Variants in PBX1 observed in about 807,000 individuals in gnomAD.
PBX1 encodes the protein PBX homeobox 1.
Under a neutral mutation model 53.4 loss-of-function variants are expected in PBX1, and 6 were observed. The ratio of observed to expected loss-of-function variants is 0.11; its 90% confidence interval spans 0.06 to 0.22. The LOEUF (loss-of-function observed/expected upper bound fraction) is 0.22, where lower values mean the gene tolerates loss of function less well. PBX1 is among the 10% of genes least tolerant of loss of function. PBX1 has a pLI of 1.00. For synonymous variants in PBX1, 204 were observed against 212.3 expected, an observed-to-expected ratio of 0.96 and a Z score of 0.34; for missense variants, 251 against 551.4, an observed-to-expected ratio of 0.46 and a Z score of 5.46.
chr1:164,743,888 T>G (rs1665752992), intron 2 of PBX1, among the ~76,000 whole-genome samples: 1 of 152,168 alleles, frequency 6.6e-6, no homozygotes, highest in South Asian at 2.1e-4. Context: ...CAGAACTTAG[T>G]CCTATGGCTA....
intron 2 of PBX1, among the ~76,000 whole-genome samples, chr1:164,570,881 T>A (rs1653798134): frequency 6.6e-6 from 1 of 152,216 alleles, no homozygotes; most frequent in African/African-American, 2.4e-5. Context: ...GTTTCCTGAC[T>A]TTTTAAGGAT....
At chr1:164,767,143 T>C (rs921849896) in intron 2 of PBX1, among the ~76,000 whole-genome samples, 2 of 152,178 alleles carry the variant, frequency 1.3e-5, no homozygotes, top group Admixed American at 6.5e-5. Flanking sequence ...GCTTATTCTG[T>C]TTTAATTATG....
At chr1:164,813,056 A>T (rs1049938631) in intron 6 of PBX1, 1 of 152,320 alleles carries the variant, frequency 6.6e-6, no homozygotes, top group Middle Eastern at 3.4e-3. Context: ...GTTTGATCGT[A>T]ATATGATTAC....
At chr1:164,807,416 T>G in intron 4 of PBX1, 126 bp from the exon 5 acceptor site, 1 of 1,216,606 alleles carries the variant, frequency 8.2e-7, no homozygotes, top group Non-Finnish European at 1.1e-6. Flanking sequence ...CCCCTTTTGG[T>G]AAATCTGCTC....
At chr1:164,827,459 C>A (rs569911604) in intron 8 of PBX1, among the ~76,000 whole-genome samples, 2 of 152,048 alleles carry the variant, frequency 1.3e-5, no homozygotes, top group African/African-American at 2.4e-5. Context: ...CAAGGAAAAT[C>A]GAGGGGTCTG....
At chr1:164,729,013 T>C (rs1664841934) in intron 2 of PBX1, among the ~76,000 whole-genome samples, 1 of 152,224 alleles carries the variant, frequency 6.6e-6, no homozygotes, top group South Asian at 2.1e-4. Flanking sequence ...GTTAGGCGTT[T>C]ATACTCTTCT....
At chr1:164,625,836 C>T (rs1657999747) in intron 2 of PBX1, 2 of 568,870 alleles carry the variant, frequency 3.5e-6, no homozygotes, top group Admixed American at 6.2e-5. Flanking sequence ...AAAAAAAACA[C>T]CTTACATGAA....
At chr1:164,877,423 G>T (rs1285872375) in intron 2 of PBX1, among the ~76,000 whole-genome samples, 1 of 152,198 alleles carries the variant, frequency 6.6e-6, no homozygotes, top group Non-Finnish European at 1.5e-5. Context: ...AGCACTTTGG[G>T]AGGCAGAGGC....
intron 2 of PBX1, among the ~76,000 whole-genome samples, chr1:164,611,340 C>A (rs969208245): frequency 1.3e-5 from 2 of 152,258 alleles, no homozygotes; most frequent in African/African-American, 2.4e-5. Context: ...CGGGTTCATG[C>A]CATTCTTCTG....
intron 2 of PBX1, among the ~76,000 whole-genome samples, chr1:164,649,647 C>A (rs535850705): frequency 5.9e-5 from 9 of 152,164 alleles, no homozygotes. Flanking sequence ...CACCTGGCCT[C>A]CCTTGTCCTT....
Position 164,588,234 on chromosome 1 carries a change from A to G in PBX1, c.265+24923A>G, listed in dbSNP as rs145035829. 2.1e-3 allele frequency among the ~76,000 whole-genome samples: 316 copies of G among 152,332 alleles called. 1 individual carries two copies. Among genetic ancestry groups the G allele is most frequent in the African/African-American group, 7.1e-3 (297 of 41,588 alleles). ...GAGATACACCCGCCTGTAGAGCACA[A>G]TAGAAAAATCAATAGTAAGGGGAGG... On this transcript the variant is annotated intron_variant, in intron 2 of 8. Coordinates refer to ENST00000420696, the MANE Select transcript of PBX1 (RefSeq NM_002585.4).
intron 2 of PBX1, among the ~76,000 whole-genome samples, chr1:164,745,608 A>G (rs1665850733): frequency 6.6e-6 from 1 of 152,222 alleles, no homozygotes; most frequent in South Asian, 2.1e-4. Flanking sequence ...TAGTAGTAAT[A>G]GCAACAATAT....
At chr1:164,611,860 G>C (rs192299694) in intron 2 of PBX1, among the ~76,000 whole-genome samples, 50 of 152,006 alleles carry the variant, frequency 3.3e-4, no homozygotes, top group Admixed American at 5.2e-4. Context: ...AACATTTCTC[G>C]CATCTCACTT....
At chr1:164,721,319 C>G (rs1312185377) in intron 2 of PBX1, among the ~76,000 whole-genome samples, 1 of 151,934 alleles carries the variant, frequency 6.6e-6, no homozygotes, top group Non-Finnish European at 1.5e-5. Context: ...AACCTGGGAG[C>G]CATGGGGTCT....
At chr1:164,839,850 G>A (rs1671211074) in intron 8 of PBX1, among the ~76,000 whole-genome samples, 1 of 152,006 alleles carries the variant, frequency 6.6e-6, no homozygotes, top group South Asian at 2.1e-4. Context: ...CTAGAGAGGA[G>A]TGTGGTGGTG....
At chr1:164,686,955 C>A (rs1454066923) in intron 2 of PBX1, among the ~76,000 whole-genome samples, 1 of 149,098 alleles carries the variant, frequency 6.7e-6, no homozygotes, top group Non-Finnish European at 1.5e-5. Context: ...AGACTGCATC[C>A]CAAAAAAAAA....
At chr1:164,855,894 T>C (rs1361300), downstream of PBX1, among the ~76,000 whole-genome samples, 3,296 of 152,292 alleles carry the variant, frequency 0.022, 137 homozygotes, top group African/African-American at 0.071. Flanking sequence ...AATTCAAAAA[T>C]GTAAAATGGG....
intron 2 of PBX1, among the ~76,000 whole-genome samples, chr1:164,728,029 A>T (rs1664787591): frequency 6.6e-6 from 1 of 152,190 alleles, no homozygotes; most frequent in African/African-American, 2.4e-5. Flanking sequence ...GTTATAGTTA[A>T]GAGAGGTGAG....
chr1:164,582,414 T>A (rs529572962), intron 2 of PBX1, among the ~76,000 whole-genome samples: 1 of 152,150 alleles, frequency 6.6e-6, no homozygotes, highest in South Asian at 2.1e-4. Flanking sequence ...CAAAATTTCT[T>A]TCATAATTTC....
Sources: gnomAD v4.1 joint callset for allele counts (sites outside exome capture counted in the v4.1 genomes callset) on GRCh38, gnomAD v4.1.1 for gene constraint, MANE v1.5 for transcripts, NCBI Gene and HGNC (gene_info 2026-07-23, HGNC 2026-07-21) for gene names.